The following ANK3 variants were observed in gnomAD, a reference collection of about 807,000 sequenced individuals.
ANK3 encodes the protein ankyrin 3.
In ANK3, 57 loss-of-function variants were observed where a neutral mutation model predicts 370.9. The ratio of observed to expected loss-of-function variants is 0.15; its 90% CI spans 0.12 to 0.19. The LOEUF (loss-of-function observed/expected upper bound fraction) is 0.19, where lower values mean the gene tolerates loss of function less well. ANK3 is among the 10% of genes least tolerant of loss of function. The pLI, the probability that ANK3 is intolerant of heterozygous loss-of-function variation, is 1.00. For synonymous variants in ANK3, 1,929 were observed against 1,946.3 expected (o/e 0.99, Z 0.23); for missense variants, 4,439 against 5,302.1 (o/e 0.84, Z 5.06).
intron 25 of ANK3, among the ~76,000 whole-genome samples, chr10:60,121,690 C>CA (rs56258116): frequency 0.24 from 33,653 of 141,964 alleles, 4,795 homozygotes; most frequent in Non-Finnish European, 0.33. Flanking sequence ...GACCCTTTCT[C>CA]AAAAAAAAAA....
chr10:60,092,088 T>C (rs2088687095), intron 28 of ANK3, among the ~76,000 whole-genome samples: 1 of 152,128 alleles, frequency 6.6e-6, no homozygotes, highest in Admixed American at 6.5e-5. Context: ...TTAGCAATGG[T>C]TACCTCAGAG....
intron 38 of ANK3, among the ~76,000 whole-genome samples, chr10:60,064,706 C>CAACA (rs1162401495): frequency 6.6e-6 from 1 of 151,844 alleles, no homozygotes; most frequent in Non-Finnish European, 1.5e-5. Context: ...ACAACAACAA[C>CAACA]AACACAAAAA....
chr10:60,375,356 A>G (rs777613944), intron 1 of ANK3, among the ~76,000 whole-genome samples: 6 of 152,182 alleles, frequency 3.9e-5, no homozygotes, highest in Non-Finnish European at 8.8e-5. Context: ...GAAACTGCAT[A>G]TGAGCACTCT....
chr10:60,397,424 T>G (rs2063265269), intron 2 of ANK3, among the ~76,000 whole-genome samples: 1 of 152,162 alleles, frequency 6.6e-6, no homozygotes, highest in African/African-American at 2.4e-5. Flanking sequence ...CATCCTTCTG[T>G]AGAGTGGAAA....
chr10:60,624,929 G>C (rs554112180), intron 1 of ANK3, among the ~76,000 whole-genome samples: 1 of 152,118 alleles, frequency 6.6e-6, no homozygotes. Flanking sequence ...TGAAGCAGGG[G>C]AAATGAGAAG....
At position 60,169,120 on chromosome 10, in the gene ANK3, C is replaced by T. The variant is rs188429446; in HGVS notation, c.2479-2224G>A. Among the ~76,000 whole-genome samples the T allele has an allele frequency of 9.8e-5, 15 of 152,308 alleles. No homozygotes were observed. The East Asian group carries it at 2.5e-3, about 25-fold the overall frequency. On this transcript the variant is annotated intron_variant, in intron 21 of 43. Transcript: ENST00000280772. ...GGTCTAGGTCTTTGAGGAATTGCCA[C>T]ACTGTCTTATATGATGGTTGAACTA...
At chr10:60,483,668 C>T (rs189504532) in intron 2 of ANK3, among the ~76,000 whole-genome samples, 10 of 152,198 alleles carry the variant, frequency 6.6e-5, no homozygotes, top group Admixed American at 3.3e-4. Flanking sequence ...GTTAGGCTTT[C>T]GCTTTTAATG....
chr10:60,550,464 A>G (rs549890328), intron 2 of ANK3, among the ~76,000 whole-genome samples: 6 of 152,084 alleles, frequency 3.9e-5, no homozygotes, highest in African/African-American at 1.4e-4. Context: ...AAGAGTATAG[A>G]AAAGATGTAA....
chr10:60,370,302 A>C (rs2059934564), intron 1 of ANK3, among the ~76,000 whole-genome samples: 1 of 152,150 alleles, frequency 6.6e-6, no homozygotes, highest in Admixed American at 6.5e-5. Flanking sequence ...TCATTTCTCT[A>C]AACTTCTGAA....
intron 2 of ANK3, among the ~76,000 whole-genome samples, chr10:60,504,318 G>GT (rs1400351595): frequency 6.6e-6 from 1 of 152,170 alleles, no homozygotes; most frequent in African/African-American, 2.4e-5. Flanking sequence ...GCCATTGACA[G>GT]TTTATGACAG....
At chr10:60,534,379 T>C (rs1392548329) in intron 2 of ANK3, among the ~76,000 whole-genome samples, 1 of 152,090 alleles carries the variant, frequency 6.6e-6, no homozygotes, top group Admixed American at 6.6e-5. Flanking sequence ...CTGGATCACT[T>C]GGGAAACACT....
chr10:60,619,194 G>T (rs572625076), intron 1 of ANK3, among the ~76,000 whole-genome samples: 159 of 151,750 alleles, frequency 1.0e-3, no homozygotes, highest in African/African-American at 3.6e-3. Context: ...CCATGCCCAG[G>T]CCCACTCCCA....
intron 4 of ANK3, among the ~76,000 whole-genome samples, chr10:60,275,559 T>C (rs184806438): frequency 6.6e-6 from 1 of 152,282 alleles, no homozygotes; most frequent in African/African-American, 2.4e-5. Flanking sequence ...CTAATTTTCA[T>C]GAAGGTCAGT....
At chr10:60,232,012 G>C (rs1482291867) in intron 8 of ANK3, among the ~76,000 whole-genome samples, 4 of 152,168 alleles carry the variant, frequency 2.6e-5, no homozygotes, top group Non-Finnish European at 5.9e-5. Context: ...TGCCTATGTA[G>C]ATTATTTCCT....
Position 60,503,988 on chromosome 10 carries a change from C to G in ANK3, c.96+111198G>C, listed in dbSNP as rs570249563. On this transcript the variant is annotated intron_variant, in intron 2 of 43. Transcript: ENST00000373827. Reference sequence around the variant, plus strand: ...AGAATGATTCTAACAGTGAGAATTTCAAGCCCTATGACTAGAAGTAATGGA... The same window carrying G: ...AGAATGATTCTAACAGTGAGAATTTGAAGCCCTATGACTAGAAGTAATGGA... 3.3e-5 allele frequency among the ~76,000 whole-genome samples: 5 copies of G among 152,246 alleles called. No individual in the cohort carries two copies. In the East Asian group the frequency reaches 7.7e-4, roughly 24 times the overall value.
intron 1 of ANK3, among the ~76,000 whole-genome samples, chr10:60,368,584 A>AT (rs1317800488): frequency 3.3e-5 from 5 of 152,200 alleles, no homozygotes; most frequent in Non-Finnish European, 7.3e-5. Context: ...ATTGGCAGCA[A>AT]TTTTTTAGCA....
chr10:60,140,731 A>G, intron 23 of ANK3: 1 of 1,147,656 alleles, frequency 8.7e-7, no homozygotes, highest in East Asian at 5.2e-5. Flanking sequence ...CAGAATGGTG[A>G]CATAAATGCA....
In ANK3 at chr10:60,070,457, G is replaced by T; in HGVS notation, c.10424C>A (p.Pro3475Gln). The stretch of plus-strand genomic sequence containing the variant: ...TTTAGAAGGTGGCTTGTCCTCATCT[G>T]GTCCCACCTTTCCCTCCTCCTCGAT... ...EVIEEEGKVG[P>Q]DEDKPPSKSS... is the part of the protein sequence containing the mutation. Residue 3475 changes from proline to glutamine, a missense_variant, in exon 37 of 44, where the codon CCA becomes CAA. Pro to Gln is a moderately conservative substitution (Grantham distance 76, BLOSUM62 -1). Transcript: ENST00000280772. The surrounding 1 kb of genome is among the most constrained non-coding windows in gnomAD (Gnocchi z 5.7). 1 of 1,614,074 alleles carries T rather than the reference G, an allele frequency of 6.2e-7. No homozygotes were observed. Among genetic ancestry groups the T allele is most frequent in the Non-Finnish European group, 8.5e-7 (1 of 1,180,008 alleles).
intron 2 of ANK3, among the ~76,000 whole-genome samples, chr10:60,607,873 T>C (rs189017911): frequency 6.6e-6 from 1 of 152,256 alleles, no homozygotes; most frequent in Non-Finnish European, 1.5e-5. Flanking sequence ...GAGAAGAAGC[T>C]TATGGCTGAG....
Sources: allele counts gnomAD v4.1 joint callset (sites outside exome capture counted in the v4.1 genomes callset), GRCh38; gene constraint gnomAD v4.1.1; non-coding constraint Gnocchi (gnomAD v3.1); transcripts MANE v1.5; gene names NCBI Gene and HGNC (gene_info 2026-07-23, HGNC 2026-07-21).